Variants in VCAN observed in about 807,000 individuals in gnomAD.
VCAN encodes the protein versican core protein.
VCAN carries 44 observed loss-of-function variants against 245.5 expected under a neutral mutation model. That is an observed-to-expected ratio of 0.18 (90% CI 0.14 to 0.23). VCAN has a LOEUF of 0.23. Ranked by LOEUF, VCAN falls within the 10% of genes least tolerant of loss-of-function variation. The probability of loss-of-function intolerance (pLI) is 1.00; values close to 1 mark genes in which losing one functional copy is unlikely to be tolerated. For missense variants in VCAN, 3,793 were observed against 4,057.9 expected, an observed-to-expected ratio of 0.93 and a Z score of 1.77; for synonymous variants, 1,413 against 1,437.0, an observed-to-expected ratio of 0.98 and a Z score of 0.38.
intron 13 of VCAN, among the ~76,000 whole-genome samples, chr5:83,575,052 G>A (rs1407338151): frequency 2.6e-5 from 4 of 151,936 alleles, no homozygotes; most frequent in South Asian, 4.2e-4. Flanking sequence ...TCTCAAATAA[G>A]AGTACGAAGT....
At chr5:83,577,169 T>C (rs1424293632) in intron 13 of VCAN, among the ~76,000 whole-genome samples, 1 of 152,134 alleles carries the variant, frequency 6.6e-6, no homozygotes, top group African/African-American at 2.4e-5. Flanking sequence ...TCCAAATTAA[T>C]CCGCCTGGGG....
At chr5:83,499,119 TG>T (rs1167556453) in intron 5 of VCAN, among the ~76,000 whole-genome samples, 1 of 152,130 alleles carries the variant, frequency 6.6e-6, no homozygotes, top group Non-Finnish European at 1.5e-5. Context: ...TGCCTGTGCT[TG>T]AAGACTTACT....
intron 6 of VCAN, among the ~76,000 whole-genome samples, 199 bp from the exon 7 acceptor site, chr5:83,519,150 A>T (rs1745971133): frequency 6.6e-6 from 1 of 152,192 alleles, no homozygotes; most frequent in South Asian, 2.1e-4. Context: ...ACAACTGATC[A>T]ATTTATGACT....
intron 8 of VCAN, among the ~76,000 whole-genome samples, chr5:83,544,412 G>C (rs1189234266): frequency 6.6e-6 from 1 of 152,110 alleles, no homozygotes; most frequent in Non-Finnish European, 1.5e-5. Context: ...TTGACTTTCT[G>C]GTGTGGGGAA....
At chr5:83,487,995 T>C (rs1389659888) in intron 2 of VCAN, among the ~76,000 whole-genome samples, 1 of 152,230 alleles carries the variant, frequency 6.6e-6, no homozygotes, top group Non-Finnish European at 1.5e-5. Flanking sequence ...AAGTTGATGA[T>C]AAAGCTGTTT....
chr5:83,520,257 A>C lies in VCAN; in HGVS notation c.1951A>C (p.Thr651Pro), dbSNP rs141958435. 5.1e-5 allele frequency: 82 copies of C among 1,614,036 alleles called. No individual in the cohort carries two copies. The highest frequency in any genetic ancestry group is 1.7e-4 in the Middle Eastern group (1 of 6,060). The change falls in exon 7 of 15, where the codon ACA becomes CCA. Residue 651 changes from threonine to proline, a missense_variant. Coordinates refer to ENST00000265077, the MANE Select transcript of VCAN (RefSeq NM_004385.5). ...TACACCTTTTCCATCACAGCATCGT[A>C]CAGAAATAGAATTGTTTCCTTATTC... is the stretch of plus-strand genomic sequence containing the variant. ...STTPFPSQHRTEIELFPYSGD... is the reference protein window; with the variant it reads ...STTPFPSQHRPEIELFPYSGD...
At chr5:83,543,310 C>T (rs1430596463) in intron 8 of VCAN, among the ~76,000 whole-genome samples, 1 of 152,138 alleles carries the variant, frequency 6.6e-6, no homozygotes, top group Admixed American at 6.6e-5. Context: ...CACAAATAGA[C>T]ATCACCACCT....
Position 83,579,850 on chromosome 5 carries a change from T to C in VCAN, c.9881-130T>C, listed in dbSNP as rs538281159. On this transcript the variant is annotated intron_variant, in intron 13 of 14. Coordinates refer to ENST00000265077, the MANE Select transcript of VCAN (RefSeq NM_004385.5). ...TTTCTTTTTGAAAAATTTCATATTC[T>C]TAATTCTAAAAGATTGCCTTTGATG... 14 of 1,001,134 alleles carry C rather than the reference T, an allele frequency of 1.4e-5. No homozygotes were observed. In the African/African-American group the frequency reaches 2.1e-4, roughly 15 times the overall value. The allele number at this position is 1,001,134 out of a possible 1,614,324, so 62.0% of individuals were successfully genotyped here.
chr5:83,530,469 G>A (rs534472734), intron 7 of VCAN, among the ~76,000 whole-genome samples: 2 of 152,170 alleles, frequency 1.3e-5, no homozygotes, highest in East Asian at 1.9e-4. Flanking sequence ...AACTTTTTTG[G>A]TGGGTGAGGG....
chr5:83,511,969 A>C, intron 5 of VCAN, 134 bp from the exon 6 acceptor site: 2 of 1,082,148 alleles, frequency 1.8e-6, no homozygotes, highest in Non-Finnish European at 2.7e-6. Flanking sequence ...TTTCTGCTTT[A>C]AAGTATCAGA....
chr5:83,580,583 T>C lies in VCAN; in HGVS notation c.*149T>C. The C allele has an allele frequency of 1.7e-6, 2 of 1,175,592 alleles. No individual in the cohort carries two copies. Among genetic ancestry groups the C allele is most frequent in the East Asian group, 2.6e-5 (1 of 37,986 alleles). 72.8% of individuals were successfully genotyped at this position (1,175,592 alleles called of 1,614,324 possible). On this transcript the variant is annotated 3_prime_UTR_variant, in exon 15 of 15. Coordinates refer to ENST00000265077, the MANE Select transcript of VCAN (RefSeq NM_004385.5). ...TTTGGGTTGCCGTGCTCCCAAAACA[T>C]TTTAAATGAAAGTATTGGCATTCAA...
At chr5:83,489,842 G>A (rs923850249) in intron 2 of VCAN, among the ~76,000 whole-genome samples, 5 of 146,630 alleles carry the variant, frequency 3.4e-5, no homozygotes, top group African/African-American at 1.3e-4. Flanking sequence ...TTTTGTTCAT[G>A]TTAAACACTA....
intron 8 of VCAN, among the ~76,000 whole-genome samples, chr5:83,543,766 A>G (rs372674961): frequency 6.6e-6 from 1 of 152,218 alleles, no homozygotes; most frequent in Non-Finnish European, 1.5e-5. Context: ...TCCAGTTTAC[A>G]ATATTTACCA....
At chr5:83,579,189 T>C (rs1748575895) in intron 13 of VCAN, among the ~76,000 whole-genome samples, 1 of 152,196 alleles carries the variant, frequency 6.6e-6, no homozygotes, top group Non-Finnish European at 1.5e-5. Context: ...TAGGAGACTT[T>C]GTCCATATTT....
At chr5:83,508,570 TA>T (rs777750342) in intron 5 of VCAN, among the ~76,000 whole-genome samples, 78 of 152,362 alleles carry the variant, frequency 5.1e-4, no homozygotes, top group Middle Eastern at 6.8e-3. Context: ...ACTAAACAAT[TA>T]TGATTTAGGA....
chr5:83,549,322 G>T (rs1378263074), intron 10 of VCAN, among the ~76,000 whole-genome samples: 1 of 152,212 alleles, frequency 6.6e-6, no homozygotes, highest in African/African-American at 2.4e-5. Flanking sequence ...ACTCTTGGCA[G>T]AGAATAAAAT....
At chr5:83,578,347 A>G (rs995776664) in intron 13 of VCAN, among the ~76,000 whole-genome samples, 1 of 152,072 alleles carries the variant, frequency 6.6e-6, no homozygotes, top group Non-Finnish European at 1.5e-5. Flanking sequence ...GGAGGATGGG[A>G]GGAGGGAGAA....
At chr5:83,499,505 T>C (rs1052614288) in intron 5 of VCAN, among the ~76,000 whole-genome samples, 4 of 152,190 alleles carry the variant, frequency 2.6e-5, no homozygotes, top group Admixed American at 6.5e-5. Context: ...AAAAATGCTT[T>C]GCTTTATTTA....
rs376175731 is a variant in VCAN at position 83,520,106 on chromosome 5, C to G, written c.1800C>G (p.Val600=). 1 of 1,614,066 alleles carries G rather than the reference C, an allele frequency of 6.2e-7. No individual in the cohort carries two copies. Among genetic ancestry groups the G allele is most frequent in the Middle Eastern group, 1.6e-4 (1 of 6,062 alleles). ...IHTHLEDLES[V]SASTTVSPLI... ...CTCATTTAGAAGACTTGGAGTCAGT[C>G]TCAGCATCCACAACTGTTTCCCCTT... Residue 600 remains valine, a synonymous_variant, in exon 7 of 15, where the codon GTC becomes GTG. Transcript: ENST00000265077.
Sources: allele counts gnomAD v4.1 joint callset (sites outside exome capture counted in the v4.1 genomes callset), GRCh38; gene constraint gnomAD v4.1.1; transcripts MANE v1.5; gene names NCBI Gene and HGNC (gene_info 2026-07-23, HGNC 2026-07-21).